Variants in WDSUB1 observed in about 807,000 individuals in gnomAD.
WDSUB1 encodes WD repeat, sterile alpha motif and U-box domain containing 1, also known as WD repeat, SAM and U-box domain-containing protein 1.
A neutral mutation model predicts 53.9 loss-of-function variants in WDSUB1; 49 were observed. The ratio of observed to expected loss-of-function variants is 0.91; its 90% CI spans 0.72 to 1.15. The LOEUF (loss-of-function observed/expected upper bound fraction) is 1.15, where lower values mean the gene tolerates loss of function less well. Ranked by LOEUF, WDSUB1 falls within the 50% of genes most tolerant of loss-of-function variation. The pLI is 0.00. For synonymous variants in WDSUB1, 194 were observed against 200.6 expected (o/e 0.97, Z 0.28); for missense variants, 514 against 562.0 (o/e 0.91, Z 0.86).
At chr2:159,255,965 A>T (rs888237499) in intron 9 of WDSUB1, among the ~76,000 whole-genome samples, 2 of 152,168 alleles carry the variant, frequency 1.3e-5, no homozygotes, top group African/African-American at 2.4e-5. Context: ...TCTCCAAAGA[A>T]GATATATAAA....
rs553247921 is a variant in WDSUB1, at chr2:159,243,323, T to G, written c.1273+5049A>C. On this transcript the variant is annotated intron_variant, in intron 10 of 10. Coordinates refer to ENST00000359774, the MANE Select transcript of WDSUB1 (RefSeq NM_001128212.3). The stretch of plus-strand genomic sequence containing the variant: ...CTGGGGTCGGAAGACAGTAGGGAGA[T>G]CATGGGTCCAGTTATAATTTGGAAG... Among the ~76,000 whole-genome samples, 15 of 147,562 alleles carry G rather than the reference T, an allele frequency of 1.0e-4. 1 individual carries two copies. The South Asian group carries it at 3.2e-3, about 31-fold the overall frequency.
chr2:159,266,693 T>C (rs2061354603), intron 5 of WDSUB1, among the ~76,000 whole-genome samples: 1 of 152,242 alleles, frequency 6.6e-6, no homozygotes, highest in African/African-American at 2.4e-5. Flanking sequence ...AGAATTGCTT[T>C]AGAAGTTTCA....
chr2:159,279,844 T>G lies in WDSUB1; in HGVS notation c.500A>C (p.Asp167Ala), dbSNP rs1269248828. The G allele has an allele frequency of 1.2e-6, 2 of 1,612,942 alleles. No homozygotes were observed. The highest frequency in any genetic ancestry group is 4.5e-5 in the East Asian group (2 of 44,872). ...GSSCGDLTVW[D>A]DKMRCLHSEK... ...ACTATGCAGACACCTCATTTTATCA[T>G]CCCACACTGTTAAATCACCACATGA... Residue 167 changes from aspartate (D) to alanine (A), a missense_variant, in exon 3 of 11, where the codon GAT (aspartate) becomes GCT (alanine). Coordinates refer to ENST00000359774, the MANE Select transcript of WDSUB1 (RefSeq NM_001128212.3).
intron 10 of WDSUB1, among the ~76,000 whole-genome samples, chr2:159,239,890 G>A (rs1398917147): frequency 6.6e-6 from 1 of 152,160 alleles, no homozygotes; most frequent in Non-Finnish European, 1.5e-5. Context: ...CTAAACTTCT[G>A]TTTCCTCCGT....
chr2:159,236,012 A>C lies in WDSUB1; in HGVS notation c.*21T>G, dbSNP rs749003001. 5.7e-6 allele frequency: 9 copies of C among 1,575,588 alleles called. No individual in the cohort carries two copies. The highest frequency in any genetic ancestry group is 7.7e-6 in the Non-Finnish European group (9 of 1,164,980). On this transcript the variant is annotated 3_prime_UTR_variant, in exon 11 of 11. Coordinates refer to ENST00000359774, the MANE Select transcript of WDSUB1 (RefSeq NM_001128212.3). ...TTCAAATGAGATCACTGAAAATATA[A>C]ATAATACAATATCAACAATTTTACT...
intron 5 of WDSUB1, among the ~76,000 whole-genome samples, chr2:159,268,653 C>T (rs1230615788): frequency 2.6e-5 from 4 of 152,100 alleles, no homozygotes; most frequent in Admixed American, 2.6e-4. Context: ...CCTGTGAGAT[C>T]AGACAGGAAA....
At chr2:159,280,053 A>T (rs1457048609) in intron 2 of WDSUB1, 108 bp from the exon 3 acceptor site, 1 of 986,066 alleles carries the variant, frequency 1.0e-6, no homozygotes. Flanking sequence ...TGGCTATCAC[A>T]GAACTAGAGA....
intron 2 of WDSUB1, among the ~76,000 whole-genome samples, chr2:159,282,182 G>C (rs894585209): frequency 1.4e-5 from 2 of 148,122 alleles, no homozygotes; most frequent in Admixed American, 6.8e-5. Context: ...ACCTTTAGAA[G>C]GCCAGTTAAA....
At chr2:159,251,541 C>A (rs919671153) in intron 9 of WDSUB1, among the ~76,000 whole-genome samples, 20 of 152,216 alleles carry the variant, frequency 1.3e-4, no homozygotes, top group African/African-American at 4.6e-4. Flanking sequence ...CTACCGGAAC[C>A]AAACATCTCC....
chr2:159,282,582 T>G, intron 2 of WDSUB1, 90 bp downstream of exon 2: 1 of 1,422,106 alleles, frequency 7.0e-7, no homozygotes, highest in Admixed American at 2.1e-5. Context: ...TCACTTAGAC[T>G]GTGCAGAGTA....
chr2:159,277,491 C>T (rs2061568603), intron 3 of WDSUB1, among the ~76,000 whole-genome samples: 1 of 152,110 alleles, frequency 6.6e-6, no homozygotes, highest in Admixed American at 6.6e-5. Flanking sequence ...TTAAAATGTG[C>T]TTATGTTCAG....
Position 159,247,928 on chromosome 2 carries a change from A to ATAAATATAT in WDSUB1, c.1273+443_1273+444insATATATTTA, listed in dbSNP as rs2060851089. ...ATATATAAATATATATATATATATA[A>ATAAATATAT]ATATATATATATATAAAATTTGGAT... On this transcript the variant is annotated intron_variant, in intron 10 of 10. Transcript: ENST00000359774. 5.9e-5 allele frequency among the ~76,000 whole-genome samples: 4 copies of ATAAATATAT among 67,696 alleles called. No homozygotes were observed. The East Asian group carries it at 1.8e-3, about 30-fold the overall frequency. The allele number at this position is 67,696 out of a possible 152,430, so 44.4% of individuals were successfully genotyped here.
chr2:159,253,316 A>G (rs1022769613), intron 9 of WDSUB1, among the ~76,000 whole-genome samples: 1 of 152,212 alleles, frequency 6.6e-6, no homozygotes, highest in Non-Finnish European at 1.5e-5. Flanking sequence ...ATAGTTCTAG[A>G]TATAAGGAAT....
At chr2:159,256,720 A>G (rs529229470) in intron 8 of WDSUB1, among the ~76,000 whole-genome samples, 1 of 152,340 alleles carries the variant, frequency 6.6e-6, no homozygotes, top group African/African-American at 2.4e-5. Context: ...TATTTGCTCC[A>G]TCATCTGCAT....
rs910969624 is a variant in WDSUB1, at chr2:159,266,480, G to A, written c.770+5222C>T. On this transcript the variant is annotated intron_variant, in intron 5 of 10. Coordinates refer to ENST00000359774, the MANE Select transcript of WDSUB1 (RefSeq NM_001128212.3). ...TGGGATTACAGGCGTGAGCCACCGC[G>A]CCTGGCCAAGGAATCTTACTTTTAA... is the stretch of plus-strand genomic sequence containing the variant. 3.3e-5 allele frequency among the ~76,000 whole-genome samples: 5 copies of A among 152,272 alleles called. No individual in the cohort carries two copies. The East Asian group carries it at 5.8e-4, about 18-fold the overall frequency.
At chr2:159,274,187 G>A (rs1367981957) in intron 4 of WDSUB1, among the ~76,000 whole-genome samples, 2 of 152,138 alleles carry the variant, frequency 1.3e-5, no homozygotes, top group Non-Finnish European at 2.9e-5. Context: ...GTACAGCCAA[G>A]AAAGTTATTC....
chr2:159,247,912 T>A lies in WDSUB1; in HGVS notation c.1273+460A>T, dbSNP rs868589428. Reference sequence around the variant, plus strand: ...ATATATATATATATATATATATAAATATATATATATATATAAATATATATA... The same window carrying A: ...ATATATATATATATATATATATAAAAATATATATATATATAAATATATATA... On this transcript the variant is annotated intron_variant, in intron 10 of 10. Transcript: ENST00000359774. 5.9e-3 allele frequency among the ~76,000 whole-genome samples: 423 copies of A among 72,184 alleles called. 3 individuals are homozygous for A. Among genetic ancestry groups the A allele is most frequent in the African/African-American group, 0.027 (400 of 14,694 alleles). 47.4% of individuals were successfully genotyped at this position (72,184 alleles called of 152,430 possible). A position where few individuals can be genotyped will look rare whatever the true frequency, so the allele number is the denominator to read the frequency against.
At chr2:159,265,825 G>A (rs2061334039) in intron 5 of WDSUB1, among the ~76,000 whole-genome samples, 1 of 152,226 alleles carries the variant, frequency 6.6e-6, no homozygotes, top group African/African-American at 2.4e-5. Context: ...AGGGGCTGGA[G>A]CAAAGTTATT....
chr2:159,241,460 G>A (rs1445598930), intron 10 of WDSUB1, among the ~76,000 whole-genome samples: 1 of 152,102 alleles, frequency 6.6e-6, no homozygotes, highest in Non-Finnish European at 1.5e-5. Flanking sequence ...TACTAGGGAG[G>A]CTGAGGCAGG....
Sources: gnomAD v4.1 joint callset for allele counts (sites outside exome capture counted in the v4.1 genomes callset) on GRCh38, gnomAD v4.1.1 for gene constraint, MANE v1.5 for transcripts, NCBI Gene and HGNC (gene_info 2026-07-23, HGNC 2026-07-21) for gene names.